FHIT: variants seen among roughly 807,000 people sequenced by gnomAD.
The protein encoded by FHIT is bis(5'-adenosyl)-triphosphatase.
In FHIT, 19 loss-of-function variants were observed where a neutral mutation model predicts 17.9. That is an observed-to-expected ratio of 1.06 (90% confidence interval 0.74 to 1.56). The LOEUF (loss-of-function observed/expected upper bound fraction) is 1.56. Among genes scored for constraint, FHIT ranks in the 40% most tolerant of loss-of-function variants. The pLI is 0.00. For missense variants in FHIT, 248 were observed against 189.2 expected, an observed-to-expected ratio of 1.31 and a Z score of -1.82; for synonymous variants, 81 against 69.7, an observed-to-expected ratio of 1.16 and a Z score of -0.81.
chr3:60,198,082 G>A (rs1183703673), intron 5 of FHIT, among the ~76,000 whole-genome samples: 3 of 152,018 alleles, frequency 2.0e-5, no homozygotes, highest in Non-Finnish European at 4.4e-5. Flanking sequence ...CTTCAGATCT[G>A]GGATTGAGGA....
chr3:61,240,545 C>A (rs1346973360), intron 1 of FHIT, among the ~76,000 whole-genome samples: 1 of 152,196 alleles, frequency 6.6e-6, no homozygotes, highest in Non-Finnish European at 1.5e-5. Flanking sequence ...ATGGCCCAAG[C>A]TAGAACTCCT....
chr3:61,152,396 T>G lies in FHIT; in HGVS notation c.-164+48221A>C, dbSNP rs569754609. 3.9e-5 allele frequency among the ~76,000 whole-genome samples: 6 copies of G among 152,344 alleles called. No homozygotes were observed. In the South Asian group the frequency reaches 1.2e-3, roughly 32 times the overall value. ...ACTTTTTAATTTTAATAGATTCAAG[T>G]GTTTTGAAATACATATTAGAAGAAC... On this transcript the variant is annotated intron_variant, in intron 2 of 9. Transcript: ENST00000492590.
At chr3:59,893,442 A>G (rs900283821) in intron 8 of FHIT, among the ~76,000 whole-genome samples, 1 of 152,220 alleles carries the variant, frequency 6.6e-6, no homozygotes, top group Non-Finnish European at 1.5e-5. Flanking sequence ...AACTGGATTT[A>G]TATGCTCTAA....
intron 4 of FHIT, among the ~76,000 whole-genome samples, chr3:60,669,930 T>A (rs2040472283): frequency 6.6e-6 from 1 of 152,234 alleles, no homozygotes; most frequent in South Asian, 2.1e-4. Flanking sequence ...AATCATGCAT[T>A]GTTATCAATT....
chr3:59,891,171 A>T (rs1053550094), intron 8 of FHIT, among the ~76,000 whole-genome samples: 1 of 152,192 alleles, frequency 6.6e-6, no homozygotes, highest in Non-Finnish European at 1.5e-5. Flanking sequence ...AAAATAGTTG[A>T]TCAATCCTTC....
At position 60,233,246 on chromosome 3, in the gene FHIT, G is replaced by T. The variant is rs559656067; in HGVS notation, c.104-219094C>A. On this transcript the variant is annotated intron_variant, in intron 5 of 9. Coordinates refer to ENST00000492590, the MANE Select transcript of FHIT (RefSeq NM_002012.4). ...TCTTAAGAACTTGTATGGCTCAAAA[G>T]GTATTTAATGATCTGACTGATGCCT... 4.3e-4 allele frequency among the ~76,000 whole-genome samples: 65 copies of T among 152,268 alleles called. No homozygotes were observed. In the South Asian group the frequency reaches 0.013, roughly 30 times the overall value.
At chr3:60,170,875 G>C (rs1418086183) in intron 5 of FHIT, among the ~76,000 whole-genome samples, 8 of 152,076 alleles carry the variant, frequency 5.3e-5, no homozygotes, top group Admixed American at 3.3e-4. Context: ...AGGAAGACCA[G>C]TGTCAAAATA....
rs1207266134 is a variant in FHIT at position 60,804,652 on chromosome 3, A to G, written c.-18+17267T>C. Among the ~76,000 whole-genome samples the G allele has an allele frequency of 2.0e-5, 3 of 152,222 alleles. No homozygotes were observed. In the East Asian group the frequency reaches 5.8e-4, roughly 29 times the overall value. ...TTTGAGTCTGAGATAGCTCGGCCTT[A>G]TGAAGAAAAAATTTCCCTTTGCATA... On this transcript the variant is annotated intron_variant, in intron 4 of 9. Coordinates refer to ENST00000492590, the MANE Select transcript of FHIT (RefSeq NM_002012.4).
At chr3:60,202,784 T>C (rs213306) in intron 5 of FHIT, among the ~76,000 whole-genome samples, 144,082 of 152,204 alleles carry the variant, frequency 0.95, 68,243 homozygotes, top group East Asian at 1. Context: ...GTTTTATGTA[T>C]GCTCTGTCTT....
rs75018770 is a variant in FHIT, at chr3:60,121,398, T to C, written c.104-107246A>G. ...GTCAACTGCAGTTTGAAAATACATGTGTACAGGCCGGGCACAGTGGCTCAT... is the reference window on the plus strand; with the variant it reads ...GTCAACTGCAGTTTGAAAATACATGCGTACAGGCCGGGCACAGTGGCTCAT... On this transcript the variant is annotated intron_variant, in intron 5 of 9. Transcript: ENST00000492590. Among the ~76,000 whole-genome samples the C allele has an allele frequency of 3.3e-5, 5 of 152,224 alleles. No homozygotes were observed. The East Asian group carries it at 9.7e-4, about 29-fold the overall frequency.
At chr3:60,529,096 A>AAAAAC (rs2035677161) in intron 5 of FHIT, among the ~76,000 whole-genome samples, 1 of 152,190 alleles carries the variant, frequency 6.6e-6, no homozygotes, top group Non-Finnish European at 1.5e-5. Flanking sequence ...GATATCTGGT[A>AAAAAC]TTGTAGAGGT....
At chr3:59,886,776 C>A (rs1708229583) in intron 8 of FHIT, among the ~76,000 whole-genome samples, 1 of 152,178 alleles carries the variant, frequency 6.6e-6, no homozygotes, top group South Asian at 2.1e-4. Context: ...TAGGAGGGCA[C>A]AAACATCCAA....
At chr3:60,487,555 C>A (rs764151848) in intron 5 of FHIT, among the ~76,000 whole-genome samples, 2 of 152,136 alleles carry the variant, frequency 1.3e-5, no homozygotes, top group Non-Finnish European at 2.9e-5. Context: ...TTTGGTGCAG[C>A]AATTAATAGG....
chr3:60,578,343 A>C (rs1449868567), intron 4 of FHIT, among the ~76,000 whole-genome samples: 1 of 151,742 alleles, frequency 6.6e-6, no homozygotes, highest in African/African-American at 2.4e-5. Flanking sequence ...AGGCTGACGC[A>C]GGAGAATCAC....
At chr3:61,224,721 T>C (rs915466886) in intron 1 of FHIT, among the ~76,000 whole-genome samples, 3 of 152,192 alleles carry the variant, frequency 2.0e-5, no homozygotes, top group Admixed American at 1.3e-4. Flanking sequence ...ATGTTACTTT[T>C]AGATATGGCC....
At chr3:60,539,132 G>T (rs1305602356) in intron 4 of FHIT, among the ~76,000 whole-genome samples, 1 of 152,164 alleles carries the variant, frequency 6.6e-6, no homozygotes, top group Non-Finnish European at 1.5e-5. Flanking sequence ...GTGGGCGAAA[G>T]ATATGAACAG....
chr3:60,557,593 C>T (rs1378738744), intron 4 of FHIT, among the ~76,000 whole-genome samples: 1 of 151,702 alleles, frequency 6.6e-6, no homozygotes, highest in Non-Finnish European at 1.5e-5. Context: ...CTCCTTAGCT[C>T]TCTACATGGC....
intron 4 of FHIT, among the ~76,000 whole-genome samples, chr3:60,554,604 C>G (rs2036680698): frequency 6.6e-6 from 1 of 152,112 alleles, no homozygotes; most frequent in African/African-American, 2.4e-5. Context: ...CTGTAGCATC[C>G]CTTTATCAGA....
At chr3:60,494,303 A>T (rs928322247) in intron 5 of FHIT, among the ~76,000 whole-genome samples, 1 of 152,176 alleles carries the variant, frequency 6.6e-6, no homozygotes, top group Non-Finnish European at 1.5e-5. Context: ...GTATCACATA[A>T]TATGCGACTT....
Sources: allele counts gnomAD v4.1 joint callset (sites outside exome capture counted in the v4.1 genomes callset), GRCh38; gene constraint gnomAD v4.1.1; transcripts MANE v1.5; gene names NCBI Gene and HGNC (gene_info 2026-07-23, HGNC 2026-07-21).